The following ST3GAL1 variants were observed in gnomAD, a reference collection of about 807,000 sequenced individuals.
ST3GAL1 encodes ST3 beta-galactoside alpha-2,3-sialyltransferase 1.
In ST3GAL1, 16 loss-of-function variants were observed where a neutral mutation model predicts 34.1. The ratio of observed to expected loss-of-function variants is 0.47; its 90% CI spans 0.32 to 0.71. The LOEUF (loss-of-function observed/expected upper bound fraction) is 0.71. ST3GAL1 is among the 30% of genes least tolerant of loss of function. The probability of loss-of-function intolerance (pLI) is 0.04; values close to 1 mark genes in which losing one functional copy is unlikely to be tolerated. For missense variants in ST3GAL1, 353 were observed against 447.4 expected (o/e 0.79, Z 1.90); for synonymous variants, 191 against 184.7 (o/e 1.03, Z -0.28).
intron 2 of ST3GAL1, among the ~76,000 whole-genome samples, chr8:133,532,640 G>T (rs973172111): frequency 1.3e-5 from 2 of 152,054 alleles, no homozygotes; most frequent in Admixed American, 6.6e-5. Flanking sequence ...AGAGTGAAAG[G>T]CTCATCCTCG....
chr8:133,545,084 C>A (rs1306958601), intron 2 of ST3GAL1, among the ~76,000 whole-genome samples: 1 of 152,252 alleles, frequency 6.6e-6, no homozygotes, highest in Non-Finnish European at 1.5e-5. Context: ...AGCACATGAA[C>A]TGTGATGTGA....
At chr8:133,487,772 C>T (rs1001715039) in intron 3 of ST3GAL1, among the ~76,000 whole-genome samples, 12 of 152,060 alleles carry the variant, frequency 7.9e-5, no homozygotes, top group Middle Eastern at 3.4e-3. Context: ...AGTTCAAGAC[C>T]AGCCCAGACA....
intron 4 of ST3GAL1, 45 bp downstream of exon 4, chr8:133,476,233 A>G (rs912222849): frequency 2.0e-5 from 10 of 507,530 alleles, no homozygotes; most frequent in African/African-American, 1.7e-4. Context: ...TGTGTGGTAG[A>G]CCAACGCCAT....
chr8:133,506,785 C>CA lies in ST3GAL1; in HGVS notation c.-428-7597dup, dbSNP rs1320214936. On this transcript the variant is annotated intron_variant, in intron 2 of 9. Transcript: ENST00000522652. ...GGGGGACAAGAGTGAGACTTTGTCC[C>CA]AAAAAAAAGAAAAAAAAAGCTGGGC... Among the ~76,000 whole-genome samples, 64 of 144,696 alleles carry CA rather than the reference C, an allele frequency of 4.4e-4. 1 individual carries two copies. The East Asian group carries it at 9.7e-3, about 22-fold the overall frequency. 94.9% of individuals were successfully genotyped at this position (144,696 alleles called of 152,430 possible).
intron 2 of ST3GAL1, among the ~76,000 whole-genome samples, chr8:133,501,733 G>C (rs1335082171): frequency 2.8e-5 from 4 of 143,394 alleles, no homozygotes; most frequent in African/African-American, 1.1e-4. Context: ...TGGGTGACAA[G>C]AGTGAAACTC....
intron 2 of ST3GAL1, among the ~76,000 whole-genome samples, chr8:133,506,328 C>T (rs988110518): frequency 2.6e-5 from 4 of 152,240 alleles, no homozygotes; most frequent in African/African-American, 9.6e-5. Flanking sequence ...TCACACAAGA[C>T]AACACGTACA....
At chr8:133,539,522 G>A (rs1818406092) in intron 2 of ST3GAL1, 1 of 152,182 alleles carries the variant, frequency 6.6e-6, no homozygotes, top group Non-Finnish European at 1.5e-5. Context: ...CTCCCAAATT[G>A]TATAAGCTTC....
At chr8:133,486,694 T>A (rs1816616536) in intron 3 of ST3GAL1, among the ~76,000 whole-genome samples, 1 of 151,932 alleles carries the variant, frequency 6.6e-6, no homozygotes, top group African/African-American at 2.4e-5. Context: ...AAAAAATCAG[T>A]CTCGAATGAA....
intron 3 of ST3GAL1, among the ~76,000 whole-genome samples, chr8:133,484,748 G>A (rs990610963): frequency 3.3e-5 from 5 of 152,166 alleles, no homozygotes; most frequent in Non-Finnish European, 5.9e-5. Flanking sequence ...CTGGTTGGAA[G>A]CCTTGCTGGG....
chr8:133,559,911 T>C (rs528377579), intron 1 of ST3GAL1, among the ~76,000 whole-genome samples: 1 of 152,226 alleles, frequency 6.6e-6, no homozygotes, highest in South Asian at 2.1e-4. Flanking sequence ...CCCAGGCACC[T>C]TGGGGCTCTT....
chr8:133,507,206 T>C, intron 2 of ST3GAL1, among the ~76,000 whole-genome samples: 1 of 152,162 alleles, frequency 6.6e-6, no homozygotes, highest in East Asian at 1.9e-4. Context: ...TACCATGCTG[T>C]TGGGGAAAGA....
At chr8:133,500,289 C>T (rs1817105859) in intron 2 of ST3GAL1, among the ~76,000 whole-genome samples, 1 of 152,138 alleles carries the variant, frequency 6.6e-6, no homozygotes, top group Admixed American at 6.5e-5. Context: ...GTCTGAGGCC[C>T]TCAGACGTTA....
chr8:133,468,972 G>A (rs1460004316), intron 5 of ST3GAL1, among the ~76,000 whole-genome samples: 1 of 152,142 alleles, frequency 6.6e-6, no homozygotes. Flanking sequence ...GGCCCAGGGG[G>A]TGGCCTTCCA....
At chr8:133,511,967 C>A (rs564440140) in intron 2 of ST3GAL1, among the ~76,000 whole-genome samples, 1 of 152,104 alleles carries the variant, frequency 6.6e-6, no homozygotes. Flanking sequence ...GCAGGAGGAT[C>A]GCTTGAACCC....
At chr8:133,527,203 C>T (rs541615577) in intron 2 of ST3GAL1, among the ~76,000 whole-genome samples, 51 of 152,252 alleles carry the variant, frequency 3.3e-4, no homozygotes, top group African/African-American at 1.2e-3. Context: ...GAGAGACTTG[C>T]CTCTGTTTGC....
At position 133,508,588 on chromosome 8, in the gene ST3GAL1, C is replaced by T. The variant is rs2131007601; in HGVS notation, c.-428-9399G>A. Among the ~76,000 whole-genome samples the T allele has an allele frequency of 6.6e-6, 1 of 152,222 alleles. No homozygotes were observed. Among genetic ancestry groups the T allele is most frequent in the Admixed American group, 6.5e-5 (1 of 15,288 alleles). ...CTCTGCAGCGACTGTAAGGAAGAGA[C>T]AATCTCAGAAGCAGGGCACTCGCTC... On this transcript the variant is annotated intron_variant, in intron 2 of 9. Coordinates refer to ENST00000522652, the MANE Select transcript of ST3GAL1 (RefSeq NM_173344.3). The surrounding 1 kb of genome is among the most constrained non-coding windows in gnomAD (Gnocchi z 4.1).
intron 3 of ST3GAL1, among the ~76,000 whole-genome samples, chr8:133,481,138 C>T (rs1773923493): frequency 6.6e-6 from 1 of 152,216 alleles, no homozygotes; most frequent in Non-Finnish European, 1.5e-5. Flanking sequence ...CTGTCCTTGG[C>T]AGGCCTGGTT....
intron 2 of ST3GAL1, among the ~76,000 whole-genome samples, chr8:133,502,512 T>C (rs1323253178): frequency 6.6e-6 from 1 of 151,878 alleles, no homozygotes; most frequent in Admixed American, 6.6e-5. Flanking sequence ...AGGCTGCCAT[T>C]TGCAAGCCAG....
rs1310383244 is a variant in ST3GAL1, at chr8:133,455,570, C to T, written c.*4194G>A. ...TCTCAAAACTAGCTAGCCCAGTCCA[C>T]AGGGCAGGATAATCCTGATGGCGTG... On this transcript the variant is annotated 3_prime_UTR_variant, in exon 10 of 10. Coordinates refer to ENST00000522652, the MANE Select transcript of ST3GAL1 (RefSeq NM_173344.3). The T allele has an allele frequency of 6.6e-6, 1 of 152,254 alleles. No homozygotes were observed. The highest frequency in any genetic ancestry group is 2.4e-5 in the African/African-American group (1 of 41,450). 9.4% of individuals were successfully genotyped at this position (152,254 alleles called of 1,614,324 possible).
Sources: allele counts gnomAD v4.1 joint callset (sites outside exome capture counted in the v4.1 genomes callset), GRCh38; gene constraint gnomAD v4.1.1; non-coding constraint Gnocchi (gnomAD v3.1); transcripts MANE v1.5; gene names NCBI Gene and HGNC (gene_info 2026-07-23, HGNC 2026-07-21).